NCKAP5L: variants seen among roughly 807,000 people sequenced by gnomAD.
NCKAP5L encodes NCK associated protein 5 like.
A neutral mutation model predicts 103.2 loss-of-function variants in NCKAP5L; 54 were observed. The observed-to-expected ratio is 0.52, with a 90% CI of 0.42 to 0.66. The LOEUF (loss-of-function observed/expected upper bound fraction) is 0.66, where lower values mean the gene tolerates loss of function less well. Among genes scored for constraint, NCKAP5L ranks in the 30% least tolerant of loss-of-function variants. The probability of loss-of-function intolerance (pLI) is 0.00; values close to 1 mark genes in which losing one functional copy is unlikely to be tolerated. For missense variants in NCKAP5L, 1,733 were observed against 1,750.6 expected, an observed-to-expected ratio of 0.99 and a Z score of 0.18; for synonymous variants, 762 against 748.6, an observed-to-expected ratio of 1.02 and a Z score of -0.29.
intron 8 of NCKAP5L, among the ~76,000 whole-genome samples, chr12:49,794,175 C>T (rs1945987404): frequency 1.3e-5 from 2 of 152,158 alleles, no homozygotes; most frequent in African/African-American, 4.8e-5. Flanking sequence ...ATGGTGATTC[C>T]AGGTAGACTG....
At position 49,793,195 on chromosome 12, in the gene NCKAP5L, G is replaced by A. The variant is rs1463610146; in HGVS notation, c.3340+157C>T. 3.9e-5 allele frequency among the ~76,000 whole-genome samples: 6 copies of A among 152,192 alleles called. No homozygotes were observed. In the East Asian group the frequency reaches 1.2e-3, roughly 29 times the overall value. ...GGGCGAGTACCCTGAGGGCAGGGAAGGATTTGTTCCTGTGTAGCTCCAGTG... is the reference window on the plus strand; with the variant it reads ...GGGCGAGTACCCTGAGGGCAGGGAAAGATTTGTTCCTGTGTAGCTCCAGTG... On this transcript the variant is annotated intron_variant, in intron 10 of 12. Transcript: ENST00000335999.
chr12:49,796,940 T>C lies in NCKAP5L; in HGVS notation c.920A>G (p.Asp307Gly). Residue 307 changes from aspartate to glycine, a missense_variant, in exon 8 of 13, where the codon GAC becomes GGC. By Grantham distance (94) the Asp-to-Gly change is moderately conservative. Coordinates refer to ENST00000335999, the MANE Select transcript of NCKAP5L (RefSeq NM_001037806.4). ...GTCGGGGCTGGGTGCCTCATTGGGG[T>C]CACCTGCCTCATCAGAAGAGGAGGA... ...SSSSSSDEAG[D>G]PNEAPSPDTL... 6.2e-7 allele frequency: 1 copy of C among 1,605,612 alleles called. No homozygotes were observed. The highest frequency in any genetic ancestry group is 8.5e-7 in the Non-Finnish European group (1 of 1,176,746).
intron 1 of NCKAP5L, among the ~76,000 whole-genome samples, chr12:49,814,909 G>A (rs1297987634): frequency 6.6e-6 from 1 of 152,176 alleles, no homozygotes; most frequent in Middle Eastern, 3.2e-3. Context: ...CACTTCTGAA[G>A]GGACTGGTCA....
intron 1 of NCKAP5L, among the ~76,000 whole-genome samples, chr12:49,818,940 T>A (rs1315456722): frequency 1.3e-5 from 2 of 150,370 alleles, no homozygotes; most frequent in Non-Finnish European, 2.9e-5. Context: ...CTCACACCTA[T>A]AATCTTAACA....
chr12:49,792,625 T>C lies in NCKAP5L; in HGVS notation c.3650-37A>G, dbSNP rs776438378. On this transcript the variant is annotated intron_variant, in intron 11 of 12. Coordinates refer to ENST00000335999, the MANE Select transcript of NCKAP5L (RefSeq NM_001037806.4). This position sits in a 1 kb window ranked among gnomAD's most constrained non-coding sequence, Gnocchi z 4.5. Reference sequence around the variant, plus strand: ...CAAAGGGAAGGTGGATGGAGCTGCCTGGGCAGCTCCAGGATGCCCAGGGGC... The same window carrying C: ...CAAAGGGAAGGTGGATGGAGCTGCCCGGGCAGCTCCAGGATGCCCAGGGGC... 1.2e-6 allele frequency: 2 copies of C among 1,612,128 alleles called. No individual in the cohort carries two copies. Among genetic ancestry groups the C allele is most frequent in the Non-Finnish European group, 1.7e-6 (2 of 1,178,372 alleles).
Position 49,795,037 on chromosome 12 carries a change from C to G in NCKAP5L, c.2823G>C (p.Lys941Asn). The G allele has an allele frequency of 6.2e-7, 1 of 1,609,822 alleles. No homozygotes were observed. The highest frequency in any genetic ancestry group is 2.2e-5 in the East Asian group (1 of 44,746). ...GCGGGGAGCCCCCGCCAGCCCCCTCCTTGTTCTTGGTGGCCTCTGTGCGGC... is the reference window on the plus strand; with the variant it reads ...GCGGGGAGCCCCCGCCAGCCCCCTCGTTGTTCTTGGTGGCCTCTGTGCGGC... Reference protein sequence around the residue: ...LNRRTEATKNKEGAGGGSPLR... With the variant: ...LNRRTEATKNNEGAGGGSPLR... The change falls in exon 8 of 13, where the codon AAG becomes AAC. Residue 941 changes from lysine (K) to asparagine (N), a missense_variant. Lys to Asn is a moderately conservative substitution (Grantham distance 94). Coordinates refer to ENST00000335999, the MANE Select transcript of NCKAP5L (RefSeq NM_001037806.4).
In NCKAP5L at chr12:49,803,904, C is replaced by T; in HGVS notation, c.123+18G>A. 2 of 1,602,310 alleles carry T rather than the reference C, an allele frequency of 1.2e-6. No homozygotes were observed. The highest frequency in any genetic ancestry group is 1.7e-6 in the Non-Finnish European group (2 of 1,179,434). On this transcript the variant is annotated intron_variant, in intron 3 of 12. Coordinates refer to ENST00000335999, the MANE Select transcript of NCKAP5L (RefSeq NM_001037806.4). ...GCTCTGGCTGGCACTGCTGCCCCTA[C>T]CACGCCCCATGCCGCACCTCCAGCT...
In NCKAP5L at chr12:49,796,813, T is replaced by C. The variant is rs774528319; in HGVS notation, c.1047A>G (p.Pro349=). ...LQAFLAGAAG[P]LNGDHPGPGQ... Reference sequence around the variant, plus strand: ...CAGGACCTGGGTGGTCCCCATTGAGTGGGCCTGCAGCCCCGGCCAGGAAGG... The same window carrying C: ...CAGGACCTGGGTGGTCCCCATTGAGCGGGCCTGCAGCCCCGGCCAGGAAGG... Residue 349 remains proline, a synonymous_variant, in exon 8 of 13, where the codon CCA becomes CCG. Transcript: ENST00000335999. 3.7e-6 allele frequency: 6 copies of C among 1,613,390 alleles called. No homozygotes were observed. In the East Asian group the frequency reaches 8.9e-5, roughly 24 times the overall value.
At chr12:49,822,517 TG>T (rs1265524106) in intron 1 of NCKAP5L, among the ~76,000 whole-genome samples, 1 of 151,920 alleles carries the variant, frequency 6.6e-6, no homozygotes, top group Non-Finnish European at 1.5e-5. Flanking sequence ...TAAATGATTA[TG>T]GGGGAGAACG....
chr12:49,791,932 T>C lies in NCKAP5L; in HGVS notation c.3912A>G (p.Arg1304=). ...GCCCTGGGGGGCCCCCGCTGGCCAC[T>C]CTGCCTTCCTCGGCCATGTCCGAAG... ...PSTSDMAEEG[R]VASGGPPGLE... Residue 1304 remains arginine (R), a synonymous_variant, in exon 13 of 13, where the codon AGA becomes AGG. Transcript: ENST00000335999. 1 of 1,612,414 alleles carries C rather than the reference T, an allele frequency of 6.2e-7. No individual in the cohort carries two copies. The highest frequency in any genetic ancestry group is 1.1e-5 in the South Asian group (1 of 90,916).
intron 6 of NCKAP5L, 82 bp downstream of exon 6, chr12:49,801,766 C>A (rs1051667570): frequency 3.2e-6 from 5 of 1,547,180 alleles, no homozygotes; most frequent in East Asian, 2.3e-5. Context: ...CCTAGGGGCA[C>A]GTGAGAAGAC....
At position 49,797,071 on chromosome 12, in the gene NCKAP5L, A is replaced by G; in HGVS notation, c.789T>C (p.Gly263=). ...GCCCAGTGTCCTCTTCCCCTCCCAG[A>G]CCCCCCAAGAGGCGCTCCCAGTGCA... is the stretch of plus-strand genomic sequence containing the variant. ...GLLHWERLLG[G]LGGEEDTGRP... is the part of the protein sequence containing the mutation. Residue 263 remains glycine, a synonymous_variant, in exon 8 of 13, where the codon GGT becomes GGC. Transcript: ENST00000335999. The surrounding 1 kb of genome is among the most constrained non-coding windows in gnomAD (Gnocchi z 4.5). 1 of 1,576,840 alleles carries G rather than the reference A, an allele frequency of 6.3e-7. No individual in the cohort carries two copies. Among genetic ancestry groups the G allele is most frequent in the Non-Finnish European group, 8.6e-7 (1 of 1,162,064 alleles).
rs373189569 is a variant in NCKAP5L at position 49,794,970 on chromosome 12, C to T, written c.2890G>A (p.Glu964Lys). The T allele has an allele frequency of 2.6e-5, 42 of 1,587,588 alleles. No individual in the cohort carries two copies. Among genetic ancestry groups the T allele is most frequent in the Non-Finnish European group, 3.4e-5 (40 of 1,167,744 alleles). Residue 964 changes from glutamate (E) to lysine (K), a missense_variant, in exon 8 of 13, where the codon GAG (glutamate) becomes AAG (lysine). Physicochemically the swap from Glu to Lys is moderately conservative, Grantham distance 56. Transcript: ENST00000335999. ...VKMEARKLEA[E>K]SLNISKLMAK... ...ATCAGCTTGGAGATGTTGAGGCTCTCGGCCTCCAGCTTCCGGGCTTCCATC... is the reference window on the plus strand; with the variant it reads ...ATCAGCTTGGAGATGTTGAGGCTCTTGGCCTCCAGCTTCCGGGCTTCCATC...
chr12:49,803,940 G>A lies in NCKAP5L; in HGVS notation c.105C>T (p.His35=). 6.2e-7 allele frequency: 1 copy of A among 1,609,704 alleles called. No individual in the cohort carries two copies. ...GCCGCACCTCCAGCTCCCGCAGTCG[G>A]TGCAGAAGCTCCTGGCAGGTGCCTG... ...MEPGTCQELL[H]RLRELEAENS... The change falls in exon 3 of 13, where the codon CAC becomes CAT. Residue 35 remains histidine (H), a synonymous_variant. Coordinates refer to ENST00000335999, the MANE Select transcript of NCKAP5L (RefSeq NM_001037806.4).
chr12:49,822,466 G>A (rs1946371482), intron 1 of NCKAP5L, among the ~76,000 whole-genome samples: 1 of 152,028 alleles, frequency 6.6e-6, no homozygotes, highest in Non-Finnish European at 1.5e-5. Flanking sequence ...GTGTGTATTT[G>A]GTATTGTGTA....
In NCKAP5L at chr12:49,792,383, G is replaced by A; in HGVS notation, c.3792+63C>T. The A allele has an allele frequency of 6.3e-7, 1 of 1,593,144 alleles. No homozygotes were observed. Among genetic ancestry groups the A allele is most frequent in the South Asian group, 1.1e-5 (1 of 87,480 alleles). On this transcript the variant is annotated intron_variant, in intron 12 of 12. Coordinates refer to ENST00000335999, the MANE Select transcript of NCKAP5L (RefSeq NM_001037806.4). This position sits in a 1 kb window ranked among gnomAD's most constrained non-coding sequence, Gnocchi z 4.5. ...AGGCCGTACCTTACTGGAGAAACTG[G>A]TCTCCCCACATCACTCCCTCCTGCT...
chr12:49,799,710 C>T (rs529938795), intron 6 of NCKAP5L, among the ~76,000 whole-genome samples: 4 of 152,328 alleles, frequency 2.6e-5, no homozygotes, highest in South Asian at 2.1e-4. Flanking sequence ...GCAGGCATTC[C>T]GGGCCTGGCT....
rs945960369 is a variant in NCKAP5L, at chr12:49,791,581, A to C, written c.*258T>G. ...TGCGACACAGTGGCCTTTAACCCCCAGTCCCTTCCAGGAAGAGCCTTACTC... is the reference window on the plus strand; with the variant it reads ...TGCGACACAGTGGCCTTTAACCCCCCGTCCCTTCCAGGAAGAGCCTTACTC... On this transcript the variant is annotated 3_prime_UTR_variant, in exon 13 of 13. Coordinates refer to ENST00000335999, the MANE Select transcript of NCKAP5L (RefSeq NM_001037806.4). 3.4e-5 allele frequency: 13 copies of C among 381,944 alleles called. No homozygotes were observed. Among genetic ancestry groups the C allele is most frequent in the African/African-American group, 2.5e-4 (12 of 48,172 alleles). The allele number at this position is 381,944 out of a possible 1,614,324, so 23.7% of individuals were successfully genotyped here.
At position 49,792,624 on chromosome 12, in the gene NCKAP5L, C is replaced by A; in HGVS notation, c.3650-36G>T. Reference sequence around the variant, plus strand: ...ACAAAGGGAAGGTGGATGGAGCTGCCTGGGCAGCTCCAGGATGCCCAGGGG... The same window carrying A: ...ACAAAGGGAAGGTGGATGGAGCTGCATGGGCAGCTCCAGGATGCCCAGGGG... On this transcript the variant is annotated intron_variant, in intron 11 of 12. Coordinates refer to ENST00000335999, the MANE Select transcript of NCKAP5L (RefSeq NM_001037806.4). This position sits in a 1 kb window ranked among gnomAD's most constrained non-coding sequence, Gnocchi z 4.5. 1 of 1,613,640 alleles carries A rather than the reference C, an allele frequency of 6.2e-7. No homozygotes were observed. The highest frequency in any genetic ancestry group is 8.5e-7 in the Non-Finnish European group (1 of 1,179,710).
Sources: allele counts gnomAD v4.1 joint callset (sites outside exome capture counted in the v4.1 genomes callset), GRCh38; gene constraint gnomAD v4.1.1; non-coding constraint Gnocchi (gnomAD v3.1); transcripts MANE v1.5; gene names NCBI Gene and HGNC (gene_info 2026-07-23, HGNC 2026-07-21).